The following NRG1 variants were observed in gnomAD, a reference collection of about 807,000 sequenced individuals.
NRG1 encodes neuregulin 1, also known as pro-neuregulin-1, membrane-bound isoform.
A neutral mutation model predicts 63.8 loss-of-function variants in NRG1; 18 were observed. The ratio of observed to expected loss-of-function variants is 0.28; its 90% CI spans 0.19 to 0.42. The LOEUF (loss-of-function observed/expected upper bound fraction) is 0.42. NRG1 is among the 10% of genes least tolerant of loss of function. The pLI is 1.00. For missense variants in NRG1, 762 were observed against 814.7 expected, an observed-to-expected ratio of 0.94 and a Z score of 0.79; for synonymous variants, 302 against 301.3, an observed-to-expected ratio of 1.00 and a Z score of -0.02.
At chr8:31,915,456 C>A (rs1301009747) in intron 1 of NRG1, among the ~76,000 whole-genome samples, 2 of 152,126 alleles carry the variant, frequency 1.3e-5, no homozygotes, top group African/African-American at 4.8e-5. Context: ...ACCCCACTAG[C>A]TCTGTCAGCT....
intron 1 of NRG1, among the ~76,000 whole-genome samples, chr8:32,489,697 C>A (rs1482802677): frequency 6.6e-6 from 1 of 152,156 alleles, no homozygotes; most frequent in Non-Finnish European, 1.5e-5. Context: ...TAATGGCTCT[C>A]CAAATGTCTG....
chr8:32,612,926 C>T (rs1243851616), intron 3 of NRG1, among the ~76,000 whole-genome samples: 2 of 151,994 alleles, frequency 1.3e-5, no homozygotes, highest in East Asian at 3.9e-4. Context: ...GAGAAGGACA[C>T]ACACTTTGTA....
At chr8:32,137,211 C>T (rs192584925) in intron 1 of NRG1, among the ~76,000 whole-genome samples, 7 of 152,136 alleles carry the variant, frequency 4.6e-5, no homozygotes, top group Admixed American at 1.3e-4. Context: ...TTTGGGAGGC[C>T]GAGGCGGGTG....
chr8:32,003,672 G>T (rs930717280), intron 1 of NRG1, among the ~76,000 whole-genome samples: 1 of 151,898 alleles, frequency 6.6e-6, no homozygotes, highest in Non-Finnish European at 1.5e-5. Context: ...TATAATTTTT[G>T]AAATTATAAA....
intron 1 of NRG1, among the ~76,000 whole-genome samples, chr8:32,381,963 C>T (rs561867729): frequency 4.6e-5 from 7 of 152,072 alleles, no homozygotes; most frequent in Non-Finnish European, 1.0e-4. Context: ...AGTGAGAAAA[C>T]TCCTAGAGAG....
At chr8:32,443,464 A>C (rs530835579) in intron 1 of NRG1, among the ~76,000 whole-genome samples, 2 of 152,328 alleles carry the variant, frequency 1.3e-5, no homozygotes, top group African/African-American at 4.8e-5. Context: ...AAGATGCAGC[A>C]AGGTGAACCT....
At chr8:32,696,941 C>T (rs1016804212) in intron 5 of NRG1, among the ~76,000 whole-genome samples, 14 of 152,248 alleles carry the variant, frequency 9.2e-5, no homozygotes, top group Middle Eastern at 6.8e-3. Flanking sequence ...GGATTACAGG[C>T]GTGAGCCACC....
At position 32,053,308 on chromosome 8, in the gene NRG1, C is replaced by A. The variant is rs574255636; in HGVS notation, c.37+413877C>A. 9.9e-5 allele frequency among the ~76,000 whole-genome samples: 15 copies of A among 152,220 alleles called. 1 individual carries two copies. In the South Asian group the frequency reaches 2.9e-3, roughly 29 times the overall value. On this transcript the variant is annotated intron_variant, in intron 1 of 10. Coordinates refer to the NRG1 transcript ENST00000519301. Reference sequence around the variant, plus strand: ...GGCTAGTCAGAATACCAGGCCGATACACGCTTCACAAGCATGTATTGAATG... The same window carrying A: ...GGCTAGTCAGAATACCAGGCCGATAAACGCTTCACAAGCATGTATTGAATG...
Position 32,291,898 on chromosome 8 carries a change from T to C in NRG1, c.38-303930T>C, listed in dbSNP as rs116534103. On this transcript the variant is annotated intron_variant, in intron 1 of 10. Transcript: ENST00000519301. ...GAAAATATAAACTAGAAAATGAGCATATATGTTCATTGTTGCTAAAGGCTT... is the reference window on the plus strand; with the variant it reads ...GAAAATATAAACTAGAAAATGAGCACATATGTTCATTGTTGCTAAAGGCTT... Among the ~76,000 whole-genome samples the C allele has an allele frequency of 4.5e-3, 684 of 152,244 alleles. 7 individuals are homozygous for C. Among genetic ancestry groups the C allele is most frequent in the African/African-American group, 0.015 (641 of 41,538 alleles).
intron 1 of NRG1, among the ~76,000 whole-genome samples, chr8:31,955,800 G>C (rs935037534): frequency 3.9e-5 from 6 of 151,940 alleles, no homozygotes; most frequent in African/African-American, 1.2e-4. Flanking sequence ...CACTTTGGGA[G>C]GCTGAAGCAC....
intron 1 of NRG1, among the ~76,000 whole-genome samples, chr8:31,779,218 G>A (rs1819443364): frequency 6.6e-6 from 1 of 152,106 alleles, no homozygotes. Context: ...TTATGATTGA[G>A]GTGAAATGAG....
intron 1 of NRG1, among the ~76,000 whole-genome samples, chr8:32,062,373 A>G (rs966167529): frequency 1.3e-5 from 2 of 151,150 alleles, no homozygotes; most frequent in Admixed American, 1.3e-4. Flanking sequence ...AAGTATATTA[A>G]ATTTTTTTTC....
At chr8:31,993,882 C>A (rs766184700) in intron 1 of NRG1, among the ~76,000 whole-genome samples, 34 of 152,050 alleles carry the variant, frequency 2.2e-4, no homozygotes, top group East Asian at 7.8e-4. Context: ...ATGCACCCCA[C>A]AACCAACCCT....
At chr8:31,789,081 A>G (rs569915446) in intron 1 of NRG1, among the ~76,000 whole-genome samples, 1 of 152,340 alleles carries the variant, frequency 6.6e-6, no homozygotes, top group South Asian at 2.1e-4. Context: ...TTTGGTTCTA[A>G]TACTCGCATT....
At chr8:32,407,513 A>G (rs1814251798) in intron 1 of NRG1, among the ~76,000 whole-genome samples, 1 of 151,930 alleles carries the variant, frequency 6.6e-6, no homozygotes, top group Non-Finnish European at 1.5e-5. Flanking sequence ...AATAAGAGGG[A>G]TGTCTAACAT....
At chr8:31,668,248 C>A (rs1290618238) in intron 1 of NRG1, among the ~76,000 whole-genome samples, 2 of 152,080 alleles carry the variant, frequency 1.3e-5, no homozygotes, top group Admixed American at 6.5e-5. Flanking sequence ...TTAGATAGAT[C>A]CCAGATTGGC....
chr8:32,521,900 G>A (rs1307987668), intron 1 of NRG1, among the ~76,000 whole-genome samples: 1 of 152,058 alleles, frequency 6.6e-6, no homozygotes, highest in Non-Finnish European at 1.5e-5. Flanking sequence ...TTTTTTAGTT[G>A]ATTTCCTATG....
intron 1 of NRG1, among the ~76,000 whole-genome samples, chr8:32,550,284 C>A (rs1371776812): frequency 1.3e-5 from 2 of 152,068 alleles, no homozygotes; most frequent in Admixed American, 1.3e-4. Flanking sequence ...GGGGAGAGAC[C>A]ATAGCACTTT....
intron 1 of NRG1, among the ~76,000 whole-genome samples, chr8:31,886,682 T>C (rs1830739815): frequency 2.6e-5 from 4 of 152,042 alleles, no homozygotes; most frequent in Admixed American, 2.6e-4. Context: ...GCCTGATATG[T>C]GTTCGGAGGG....
Sources: allele counts gnomAD v4.1 joint callset (sites outside exome capture counted in the v4.1 genomes callset), GRCh38; gene constraint gnomAD v4.1.1; transcripts MANE v1.5; gene names NCBI Gene and HGNC (gene_info 2026-07-23, HGNC 2026-07-21).